Variants in GPR137C observed in about 807,000 individuals in gnomAD.
GPR137C encodes integral membrane protein GPR137C.
In GPR137C, 27 loss-of-function variants were observed where a neutral mutation model predicts 43.4. That is an observed-to-expected ratio of 0.62 (90% CI 0.46 to 0.86). The LOEUF (loss-of-function observed/expected upper bound fraction) is 0.86. GPR137C is among the 40% of genes least tolerant of loss of function. The pLI, the probability that GPR137C is intolerant of heterozygous loss-of-function variation, is 0.00. For synonymous variants in GPR137C, 285 were observed against 226.9 expected, an observed-to-expected ratio of 1.26 and a Z score of -2.30; for missense variants, 522 against 534.6, an observed-to-expected ratio of 0.98 and a Z score of 0.23.
At chr14:52,562,245 G>A (rs2038296693) in intron 1 of GPR137C, among the ~76,000 whole-genome samples, 1 of 152,084 alleles carries the variant, frequency 6.6e-6, no homozygotes, top group African/African-American at 2.4e-5. Context: ...TAAGTTAGTT[G>A]GGTAAATTAC....
At chr14:52,598,167 T>C (rs2038878796) in intron 1 of GPR137C, 105 bp from the exon 2 acceptor site, 1 of 454,378 alleles carries the variant, frequency 2.2e-6, no homozygotes, top group Non-Finnish European at 4.0e-6. Flanking sequence ...CTTTGCGTGC[T>C]ATATGTTATT....
rs1594776163 is a variant in GPR137C, at chr14:52,554,831, T to TA, written c.444+1241dup. 2.6e-5 allele frequency among the ~76,000 whole-genome samples: 4 copies of TA among 152,312 alleles called. No homozygotes were observed. The East Asian group carries it at 7.7e-4, about 29-fold the overall frequency. ...ATAATCAGTCATAATGTCAGCTATTTAGCACACTAAAAACAATAGTTGAAA... is the reference window on the plus strand; with the variant it reads ...ATAATCAGTCATAATGTCAGCTATTTAAGCACACTAAAAACAATAGTTGAAA... On this transcript the variant is annotated intron_variant, in intron 1 of 6. Coordinates refer to ENST00000321662, the MANE Select transcript of GPR137C (RefSeq NM_001099652.2).
Position 52,624,792 on chromosome 14 carries a change from G to T in GPR137C, c.718-7368G>T, listed in dbSNP as rs190234412. On this transcript the variant is annotated intron_variant, in intron 3 of 6. Transcript: ENST00000321662. Reference sequence around the variant, plus strand: ...AATGAAATAGGAAACAAAAAATGGAGAAATTAAAGCCAAAAGTTGATTCTT... The same window carrying T: ...AATGAAATAGGAAACAAAAAATGGATAAATTAAAGCCAAAAGTTGATTCTT... Among the ~76,000 whole-genome samples the T allele has an allele frequency of 1.7e-3, 251 of 151,230 alleles. 1 individual carries two copies. The highest frequency in any genetic ancestry group is 5.9e-3 in the African/African-American group (242 of 41,302).
At chr14:52,599,216 G>A (rs937417478) in intron 2 of GPR137C, among the ~76,000 whole-genome samples, 1 of 152,090 alleles carries the variant, frequency 6.6e-6, no homozygotes, top group Non-Finnish European at 1.5e-5. Flanking sequence ...AATTTTCTTA[G>A]GGGGAAGAGA....
At chr14:52,585,870 A>G (rs1004519315) in intron 1 of GPR137C, among the ~76,000 whole-genome samples, 5 of 152,078 alleles carry the variant, frequency 3.3e-5, no homozygotes, top group Non-Finnish European at 5.9e-5. Flanking sequence ...CACAAGACCC[A>G]CAAGTCAGAG....
chr14:52,619,176 T>TA (rs897149022), intron 3 of GPR137C, among the ~76,000 whole-genome samples: 3 of 152,166 alleles, frequency 2.0e-5, no homozygotes, highest in Non-Finnish European at 2.9e-5. Context: ...TTCAATCAAA[T>TA]ATTTCTTATC....
At chr14:52,555,124 C>T (rs2038173218) in intron 1 of GPR137C, among the ~76,000 whole-genome samples, 1 of 152,120 alleles carries the variant, frequency 6.6e-6, no homozygotes. Flanking sequence ...GACTTCTCAA[C>T]GCTGAAGCTT....
intron 3 of GPR137C, among the ~76,000 whole-genome samples, chr14:52,603,489 A>C (rs554969784): frequency 6.6e-6 from 1 of 152,204 alleles, no homozygotes; most frequent in Admixed American, 6.5e-5. Flanking sequence ...ATCATATGGT[A>C]GTTCTATTTT....
At chr14:52,610,385 G>A (rs559056252) in intron 3 of GPR137C, among the ~76,000 whole-genome samples, 105 of 152,212 alleles carry the variant, frequency 6.9e-4, no homozygotes, top group African/African-American at 2.3e-3. Flanking sequence ...TCCTTTCCAC[G>A]ATTTCAGTTA....
intron 3 of GPR137C, among the ~76,000 whole-genome samples, chr14:52,609,510 T>C (rs1424235630): frequency 6.6e-6 from 1 of 152,230 alleles, no homozygotes; most frequent in Non-Finnish European, 1.5e-5. Flanking sequence ...CATTTTTATT[T>C]TAGTTTTCAC....
At chr14:52,576,633 G>A (rs565548911) in intron 1 of GPR137C, among the ~76,000 whole-genome samples, 6 of 152,062 alleles carry the variant, frequency 3.9e-5, no homozygotes, top group African/African-American at 9.7e-5. Context: ...ATACATCATC[G>A]AGGCAGAAAG....
chr14:52,588,311 CT>C (rs892572995), intron 1 of GPR137C, among the ~76,000 whole-genome samples: 8 of 150,900 alleles, frequency 5.3e-5, no homozygotes, highest in African/African-American at 1.5e-4. Flanking sequence ...CTCCTGGCTG[CT>C]TTTTTTTTAT....
chr14:52,604,114 C>T (rs2038957334), intron 3 of GPR137C, among the ~76,000 whole-genome samples: 1 of 151,960 alleles, frequency 6.6e-6, no homozygotes, highest in South Asian at 2.1e-4. Flanking sequence ...GATTATCTAT[C>T]TTTTTGCTAT....
At chr14:52,597,075 C>CTT (rs1408401884) in intron 1 of GPR137C, 1 of 426,768 alleles carries the variant, frequency 2.3e-6, no homozygotes, top group East Asian at 7.3e-5. Context: ...GCACAGGCAT[C>CTT]TATCTTTGCC....
chr14:52,635,002 A>C lies in GPR137C; in HGVS notation c.1177A>C (p.Thr393Pro), dbSNP rs956128799. 6.2e-7 allele frequency: 1 copy of C among 1,612,744 alleles called. No individual in the cohort carries two copies. Among genetic ancestry groups the C allele is most frequent in the African/African-American group, 1.3e-5 (1 of 74,940 alleles). Residue 393 changes from threonine (T) to proline (P), a missense_variant, in exon 7 of 7, where the codon ACA (threonine) becomes CCA (proline). Around this residue, in one of 3 missense-constraint regions of GPR137C, gnomAD observed 67 missense variants for 69.0 expected, o/e 0.97. Coordinates refer to ENST00000321662, the MANE Select transcript of GPR137C (RefSeq NM_001099652.2). ...GACTGGGTGTGGCAGCAGCAGTTAC[A>C]CAGTCACTCCCCACCTGAATGGACC... Reference protein sequence around the residue: ...TMTGCGSSSYTVTPHLNGPMT... With the variant: ...TMTGCGSSSYPVTPHLNGPMT...
At chr14:52,562,058 A>G (rs1029512516) in intron 1 of GPR137C, among the ~76,000 whole-genome samples, 5 of 152,206 alleles carry the variant, frequency 3.3e-5, no homozygotes, top group African/African-American at 9.6e-5. Context: ...GAAATGTACA[A>G]CCTGCAGCTC....
chr14:52,629,261 G>C (rs1034160340), intron 3 of GPR137C, among the ~76,000 whole-genome samples: 1 of 152,074 alleles, frequency 6.6e-6, no homozygotes, highest in Non-Finnish European at 1.5e-5. Flanking sequence ...CAGCAATTCC[G>C]CTCTTAGGTA....
chr14:52,564,134 G>C (rs755568505), intron 1 of GPR137C, among the ~76,000 whole-genome samples: 2 of 152,090 alleles, frequency 1.3e-5, no homozygotes. Context: ...AATTAGCTGG[G>C]TGTGGTGGCA....
At chr14:52,621,319 A>G (rs1188175684) in intron 3 of GPR137C, among the ~76,000 whole-genome samples, 1 of 151,860 alleles carries the variant, frequency 6.6e-6, no homozygotes, top group Non-Finnish European at 1.5e-5. Flanking sequence ...CAGTGAAGAT[A>G]TTATTAAAGA....
Sources: gnomAD v4.1 joint callset for allele counts (sites outside exome capture counted in the v4.1 genomes callset) on GRCh38, gnomAD v4.1.1 for gene constraint, gnomAD v4.1.1 regional missense constraint, MANE v1.5 for transcripts, NCBI Gene and HGNC (gene_info 2026-07-23, HGNC 2026-07-21) for gene names.